CSMD1: variants seen among roughly 807,000 people sequenced by gnomAD.
CSMD1 encodes CUB and Sushi multiple domains 1.
In CSMD1, 213 loss-of-function variants were observed where a neutral mutation model predicts 417.5. The ratio of observed to expected loss-of-function variants is 0.51; its 90% CI spans 0.46 to 0.57. CSMD1 has a LOEUF of 0.57. Among genes scored for constraint, CSMD1 ranks in the 20% least tolerant of loss-of-function variants. The probability of loss-of-function intolerance (pLI) is 0.00; values close to 1 mark genes in which losing one functional copy is unlikely to be tolerated. For synonymous variants in CSMD1, 2,862 were observed against 1,736.8 expected, an observed-to-expected ratio of 1.65 and a Z score of -16.11; for missense variants, 6,923 against 4,529.7, an observed-to-expected ratio of 1.53 and a Z score of -15.17.
At chr8:3,660,093 T>A (rs150379410) in intron 7 of CSMD1, among the ~76,000 whole-genome samples, 2 of 152,206 alleles carry the variant, frequency 1.3e-5, no homozygotes, top group East Asian at 3.9e-4. Flanking sequence ...GGTACCATCG[T>A]GATGTATGTG....
At chr8:3,089,767 C>CG (rs1220060007) in intron 48 of CSMD1, among the ~76,000 whole-genome samples, 3 of 140,922 alleles carry the variant, frequency 2.1e-5, no homozygotes, top group African/African-American at 7.9e-5. Flanking sequence ...TCTCTCTCTC[C>CG]ACTTAAACAA....
At chr8:3,895,518 C>G (rs546473476) in intron 5 of CSMD1, among the ~76,000 whole-genome samples, 1 of 151,964 alleles carries the variant, frequency 6.6e-6, no homozygotes, top group Non-Finnish European at 1.5e-5. Flanking sequence ...GTGTATCTAT[C>G]CTTAGGGAAT....
intron 5 of CSMD1, among the ~76,000 whole-genome samples, chr8:3,981,767 GC>G (rs1192140433): frequency 6.6e-6 from 1 of 152,130 alleles, no homozygotes; most frequent in Admixed American, 6.5e-5. Flanking sequence ...CGTCCGACAG[GC>G]TGTGCGCTTC....
chr8:4,190,959 G>A (rs529556148), intron 3 of CSMD1, among the ~76,000 whole-genome samples: 6 of 151,964 alleles, frequency 3.9e-5, no homozygotes, highest in African/African-American at 1.2e-4. Context: ...AGAGTGGGGG[G>A]GGCGGGGAAG....
At chr8:3,859,208 C>T (rs939608193) in intron 5 of CSMD1, among the ~76,000 whole-genome samples, 2 of 152,168 alleles carry the variant, frequency 1.3e-5, no homozygotes, top group African/African-American at 2.4e-5. Context: ...CAGAGGAGTA[C>T]GTGGGAAAGC....
At chr8:3,197,797 T>C (rs1015605691) in intron 33 of CSMD1, among the ~76,000 whole-genome samples, 1 of 152,212 alleles carries the variant, frequency 6.6e-6, no homozygotes, top group Non-Finnish European at 1.5e-5. Flanking sequence ...GGAACTACTG[T>C]CTTTCAAGAA....
intron 7 of CSMD1, among the ~76,000 whole-genome samples, chr8:3,643,562 G>T (rs1170748065): frequency 6.6e-6 from 1 of 151,958 alleles, no homozygotes; most frequent in Non-Finnish European, 1.5e-5. Context: ...TTGGCCGGGC[G>T]TGGTGGCGGG....
chr8:4,174,460 A>C (rs1797930273), intron 3 of CSMD1, among the ~76,000 whole-genome samples: 4 of 151,764 alleles, frequency 2.6e-5, no homozygotes, highest in Non-Finnish European at 5.9e-5. Context: ...CTATTGTTTA[A>C]ATAATAGGTT....
At chr8:3,423,499 T>C (rs1239883464) in intron 12 of CSMD1, among the ~76,000 whole-genome samples, 4 of 152,224 alleles carry the variant, frequency 2.6e-5, no homozygotes, top group South Asian at 2.1e-4. Flanking sequence ...TGGTTCCCTG[T>C]ATCAGTAGTT....
At position 4,427,452 on chromosome 8, in the gene CSMD1, A is replaced by G. The variant is rs1251391984; in HGVS notation, c.303-7387T>C. 4.0e-5 allele frequency among the ~76,000 whole-genome samples: 6 copies of G among 151,586 alleles called. No individual in the cohort carries two copies. In the South Asian group the frequency reaches 8.3e-4, roughly 21 times the overall value. On this transcript the variant is annotated intron_variant, in intron 2 of 69. Coordinates refer to ENST00000635120, the MANE Select transcript of CSMD1 (RefSeq NM_033225.6). ...TTAGATACCATCCGGGGAAGATGCA[A>G]TCAAGCAGGCAAAGTTCAGAAGAGA... is the stretch of plus-strand genomic sequence containing the variant.
intron 1 of CSMD1, among the ~76,000 whole-genome samples, chr8:4,674,839 G>A (rs1430113064): frequency 1.3e-5 from 2 of 151,338 alleles, no homozygotes; most frequent in Admixed American, 6.6e-5. Context: ...GATATCTGGA[G>A]GTGGGGCATT....
intron 5 of CSMD1, among the ~76,000 whole-genome samples, chr8:3,770,531 A>G (rs1288919803): frequency 1.3e-5 from 2 of 152,182 alleles, no homozygotes; most frequent in Non-Finnish European, 2.9e-5. Flanking sequence ...TCCATCTCAA[A>G]AAATAAATAA....
chr8:3,467,952 C>T (rs1816874465), intron 12 of CSMD1, among the ~76,000 whole-genome samples: 2 of 152,306 alleles, frequency 1.3e-5, no homozygotes, highest in South Asian at 4.1e-4. Flanking sequence ...CCAACAGCTC[C>T]AGATAAATAT....
intron 3 of CSMD1, among the ~76,000 whole-genome samples, chr8:4,073,628 T>A (rs1368752745): frequency 6.6e-6 from 1 of 152,128 alleles, no homozygotes; most frequent in Non-Finnish European, 1.5e-5. Context: ...TGAATTGAAT[T>A]TTAATGAATT....
chr8:3,152,763 C>T (rs1301131343), intron 39 of CSMD1, among the ~76,000 whole-genome samples: 1 of 152,198 alleles, frequency 6.6e-6, no homozygotes, highest in South Asian at 2.1e-4. Context: ...CTCAAGGCGA[C>T]TTCTTTGTGG....
intron 17 of CSMD1, among the ~76,000 whole-genome samples, chr8:3,394,341 A>G (rs1272390210): frequency 6.6e-6 from 1 of 150,506 alleles, no homozygotes; most frequent in East Asian, 1.9e-4. Flanking sequence ...GAAATTTATG[A>G]AATGACTTTT....
intron 3 of CSMD1, among the ~76,000 whole-genome samples, chr8:4,051,991 T>C (rs999175942): frequency 3.3e-5 from 5 of 151,994 alleles, no homozygotes; most frequent in African/African-American, 9.7e-5. Context: ...AACAGTGTTA[T>C]CTCGGCTCAC....
intron 5 of CSMD1, among the ~76,000 whole-genome samples, chr8:3,900,195 C>CAGCTCGGTGACAGTGG (rs1807638639): frequency 1.3e-5 from 2 of 151,054 alleles, no homozygotes; most frequent in African/African-American, 2.4e-5. Flanking sequence ...GGTAACAGTG[C>CAGCTCGGTGACAGTGG]AGCTGGGTGA....
intron 5 of CSMD1, among the ~76,000 whole-genome samples, chr8:3,758,155 G>A (rs1049305286): frequency 6.6e-6 from 1 of 152,038 alleles, no homozygotes; most frequent in Admixed American, 6.6e-5. Context: ...GTAGAGATGG[G>A]ATTTCACCAT....
Sources: allele counts gnomAD v4.1 joint callset (sites outside exome capture counted in the v4.1 genomes callset), GRCh38; gene constraint gnomAD v4.1.1; transcripts MANE v1.5; gene names NCBI Gene and HGNC (gene_info 2026-07-23, HGNC 2026-07-21).